FAM220A: variants seen among roughly 807,000 people sequenced by gnomAD.
FAM220A encodes family with sequence similarity 220 member A, also known as protein FAM220A.
For synonymous variants in FAM220A, 141 were observed against 130.7 expected, an observed-to-expected ratio of 1.08 and a Z score of -0.54; for missense variants, 392 against 321.6, an observed-to-expected ratio of 1.22 and a Z score of -1.68.
intron 1 of FAM220A, among the ~76,000 whole-genome samples, chr7:6,346,886 C>T (rs1285818553): frequency 6.6e-6 from 1 of 152,148 alleles, no homozygotes; most frequent in Non-Finnish European, 1.5e-5. Context: ...AGGGAGCAAC[C>T]CAAGGACCGT....
intron 1 of FAM220A, among the ~76,000 whole-genome samples, chr7:6,339,628 C>T (rs1781810174): frequency 6.6e-6 from 1 of 151,946 alleles, no homozygotes; most frequent in Admixed American, 6.6e-5. Context: ...GGACTACAGG[C>T]GCCCGCCACC....
chr7:6,330,354 T>C lies in FAM220A; in HGVS notation c.*21A>G. ...AAGACAACTCTTAAAATTAATCTAT[T>C]GGTATTGTTCTGCTTGTACCTTAAC... On this transcript the variant is annotated 3_prime_UTR_variant, in exon 2 of 2. Coordinates refer to ENST00000313324, the MANE Select transcript of FAM220A (RefSeq NM_001037163.2). 1 of 1,581,770 alleles carries C rather than the reference T, an allele frequency of 6.3e-7. No homozygotes were observed. The highest frequency in any genetic ancestry group is 1.4e-5 in the African/African-American group (1 of 73,348).
intron 1 of FAM220A, among the ~76,000 whole-genome samples, chr7:6,332,872 AAATT>A (rs1320324756): frequency 1.3e-5 from 2 of 151,722 alleles, no homozygotes; most frequent in African/African-American, 4.8e-5. Context: ...GATTTGTTAT[AAATT>A]TTGGCCAGGC....
At chr7:6,331,765 C>T (rs1397952461) in intron 1 of FAM220A, among the ~76,000 whole-genome samples, 4 of 120,516 alleles carry the variant, frequency 3.3e-5, no homozygotes, top group South Asian at 2.8e-4. Flanking sequence ...TTTGAGATGG[C>T]GTTTCGCTCT....
rs1252427333 is a variant in FAM220A, at chr7:6,330,641, G to C, written c.514C>G (p.Pro172Ala). 3.7e-6 allele frequency: 6 copies of C among 1,614,126 alleles called. No individual in the cohort carries two copies. Among genetic ancestry groups the C allele is most frequent in the Middle Eastern group, 1.6e-4 (1 of 6,062 alleles). Residue 172 changes from proline to alanine, a missense_variant, in exon 2 of 2, where the codon CCA becomes GCA. Coordinates refer to ENST00000313324, the MANE Select transcript of FAM220A (RefSeq NM_001037163.2). ...CCCAGACCCTTGGGAAAAGCACTTG[G>C]TGGGTCATCCTGAAAACTTCCCATT... Reference protein sequence around the residue: ...PEMGSFQDDPPSAFPKGLGSE... With the variant: ...PEMGSFQDDPASAFPKGLGSE...
rs1445801985 is a variant in FAM220A, at chr7:6,330,823, G to A, written c.332C>T (p.Thr111Ile). Reference protein sequence around the residue: ...STAVGLFPAPTECFARVSCSG... With the variant: ...STAVGLFPAPIECFARVSCSG... Reference sequence around the variant, plus strand: ...GCAGGACACCCGAGCAAAACACTCTGTTGGAGCAGGGAACAAACCCACGGC... The same window carrying A: ...GCAGGACACCCGAGCAAAACACTCTATTGGAGCAGGGAACAAACCCACGGC... Residue 111 changes from threonine (T) to isoleucine (I), a missense_variant, in exon 2 of 2, where the codon ACA becomes ATA. Coordinates refer to ENST00000313324, the MANE Select transcript of FAM220A (RefSeq NM_001037163.2). 8 of 1,614,082 alleles carry A rather than the reference G, an allele frequency of 5.0e-6. No individual in the cohort carries two copies. The highest frequency in any genetic ancestry group is 5.1e-6 in the Non-Finnish European group (6 of 1,180,042).
rs781294060 is a variant in FAM220A at position 6,330,433 on chromosome 7, G to A, written c.722C>T (p.Thr241Ile). The A allele has an allele frequency of 2.5e-6, 4 of 1,613,994 alleles. No individual in the cohort carries two copies. The highest frequency in any genetic ancestry group is 3.4e-6 in the Non-Finnish European group (4 of 1,180,032). Residue 241 changes from threonine to isoleucine, a missense_variant, in exon 2 of 2, where the codon ACA (threonine) becomes ATA (isoleucine). By Grantham distance (89) the Thr-to-Ile change is moderately conservative (BLOSUM62 -1). Transcript: ENST00000313324. The stretch of plus-strand genomic sequence containing the variant: ...AGGTTGCAGAGCCAGTAACCCCAGT[G>A]TTATCTGCAGACCATCTGAGGTGCT... ...LKSTSDGLQI[T>I]LGLLALQPFE...
At chr7:6,347,773 A>T (rs1480606576) in intron 1 of FAM220A, among the ~76,000 whole-genome samples, 1 of 151,836 alleles carries the variant, frequency 6.6e-6, no homozygotes, top group Admixed American at 6.6e-5. Flanking sequence ...ACGTCTATGC[A>T]GGCCAGATGT....
Position 6,331,177 on chromosome 7 carries a change from G to A in FAM220A, c.-23C>T, listed in dbSNP as rs1342123747. On this transcript the variant is annotated 5_prime_UTR_variant, in exon 2 of 2. Coordinates refer to ENST00000313324, the MANE Select transcript of FAM220A (RefSeq NM_001037163.2). ...CATGCTTCGTGTTCTTGGATGCGGT[G>A]GGCCTGAGGTCACGCCTTCGTCAGT... The A allele has an allele frequency of 4.4e-6, 7 of 1,595,836 alleles. No individual in the cohort carries two copies. The highest frequency in any genetic ancestry group is 1.7e-4 in the Middle Eastern group (1 of 5,858).
Position 6,334,157 on chromosome 7 carries a change from CT to C in FAM220A, c.-81-2923del, listed in dbSNP as rs538190640. Among the ~76,000 whole-genome samples, 64 of 151,590 alleles carry C rather than the reference CT, an allele frequency of 4.2e-4. No homozygotes were observed. The South Asian group carries it at 0.011, about 26-fold the overall frequency. On this transcript the variant is annotated intron_variant, in intron 1 of 1. Transcript: ENST00000313324. ...CACCGCACCCAGCCGAACTCCTGGT[CT>C]CTTAAGTGCTCCTCCCACATCAGCC... is the stretch of plus-strand genomic sequence containing the variant.
Position 6,334,769 on chromosome 7 carries a change from ATAGT to A in FAM220A, c.-81-3538_-81-3535del, listed in dbSNP as rs759972291. The stretch of plus-strand genomic sequence containing the variant: ...GCGTGAGCCACCACGCCCAGCCTGG[ATAGT>A]TAGTTAGTTATTTTGAAATGGAGTT... On this transcript the variant is annotated intron_variant, in intron 1 of 1. Transcript: ENST00000313324. Among the ~76,000 whole-genome samples, 424 of 146,744 alleles carry A rather than the reference ATAGT, an allele frequency of 2.9e-3. 2 individuals carry two copies. The highest frequency in any genetic ancestry group is 4.9e-3 in the Non-Finnish European group (329 of 66,840).
Position 6,348,642 on chromosome 7 carries a change from G to A in FAM220A, c.-151C>T, listed in dbSNP as rs1355912156. 1 of 509,674 alleles carries A rather than the reference G, an allele frequency of 2.0e-6. No individual in the cohort carries two copies. Among genetic ancestry groups the A allele is most frequent in the Non-Finnish European group, 3.6e-6 (1 of 281,098 alleles). The allele number at this position is 509,674 out of a possible 1,614,324, so 31.6% of individuals were successfully genotyped here. On this transcript the variant is annotated 5_prime_UTR_variant, in exon 1 of 2. Coordinates refer to ENST00000313324, the MANE Select transcript of FAM220A (RefSeq NM_001037163.2). Reference sequence around the variant, plus strand: ...AGGGGAAGTTGATACGCAGCCGCCAGGCCAGGTCGAAGAAGATGAGCAGCG... The same window carrying A: ...AGGGGAAGTTGATACGCAGCCGCCAAGCCAGGTCGAAGAAGATGAGCAGCG...
intron 1 of FAM220A, among the ~76,000 whole-genome samples, chr7:6,337,420 C>CA (rs1423979139): frequency 1.5e-4 from 23 of 151,786 alleles, no homozygotes; most frequent in African/African-American, 5.6e-4. Context: ...CTGCGCCCGC[C>CA]CAGTATTTTA....
At chr7:6,337,555 T>C (rs544769094) in intron 1 of FAM220A, among the ~76,000 whole-genome samples, 8 of 151,892 alleles carry the variant, frequency 5.3e-5, no homozygotes, top group African/African-American at 1.7e-4. Flanking sequence ...ATTTCTAGAA[T>C]TGTGTTAAAG....
At chr7:6,347,339 A>G (rs1474502779) in intron 1 of FAM220A, among the ~76,000 whole-genome samples, 3 of 152,056 alleles carry the variant, frequency 2.0e-5, no homozygotes, top group Non-Finnish European at 4.4e-5. Context: ...ACATGGTGAA[A>G]ACCCAACTCT....
chr7:6,341,384 G>A (rs1480545493), intron 1 of FAM220A, among the ~76,000 whole-genome samples: 1 of 151,494 alleles, frequency 6.6e-6, no homozygotes, highest in Non-Finnish European at 1.5e-5. Flanking sequence ...GGAGCTTGCA[G>A]TGAGCGGAGA....
chr7:6,332,556 G>A (rs921025091), intron 1 of FAM220A, among the ~76,000 whole-genome samples: 2 of 152,116 alleles, frequency 1.3e-5, no homozygotes, highest in African/African-American at 4.8e-5. Context: ...GGTGGCTCAT[G>A]CTTATAAACT....
At chr7:6,347,571 T>G (rs903036915) in intron 1 of FAM220A, among the ~76,000 whole-genome samples, 2 of 151,764 alleles carry the variant, frequency 1.3e-5, no homozygotes, top group Non-Finnish European at 2.9e-5. Context: ...TCCAGGGTGC[T>G]GGGGTGTGAG....
Position 6,330,534 on chromosome 7 carries a change from C to A in FAM220A, c.621G>T (p.Glu207Asp). Residue 207 changes from glutamate to aspartate, a missense_variant, in exon 2 of 2, where the codon GAG becomes GAT. Coordinates refer to ENST00000313324, the MANE Select transcript of FAM220A (RefSeq NM_001037163.2). ...AACGGTCAAGGAAAATGCGTTTTGT[C>A]TCCTCACTCAGGAGCACTTCGGGAT... ...HVYPEVLLSE[E>D]TKRIFLDRLK... The A allele has an allele frequency of 6.2e-7, 1 of 1,614,136 alleles. No homozygotes were observed. Among genetic ancestry groups the A allele is most frequent in the East Asian group, 2.2e-5 (1 of 44,890 alleles).
Sources: gnomAD v4.1 joint callset for allele counts (sites outside exome capture counted in the v4.1 genomes callset) on GRCh38, gnomAD v4.1.1 for gene constraint, MANE v1.5 for transcripts, NCBI Gene and HGNC (gene_info 2026-07-23, HGNC 2026-07-21) for gene names.